Variants in FAM151B observed in about 807,000 individuals in gnomAD.
The protein encoded by FAM151B is protein FAM151B.
A neutral mutation model predicts 31.2 loss-of-function variants in FAM151B; 24 were observed. The observed-to-expected ratio is 0.77, with a 90% CI of 0.56 to 1.08. The LOEUF is 1.08. Ranked by LOEUF, FAM151B falls within the 50% of genes least tolerant of loss-of-function variation. The probability of loss-of-function intolerance (pLI) is 0.00; values close to 1 mark genes in which losing one functional copy is unlikely to be tolerated. For missense variants in FAM151B, 293 were observed against 328.6 expected (o/e 0.89, Z 0.84); for synonymous variants, 105 against 111.4 (o/e 0.94, Z 0.36).
intron 5 of FAM151B, among the ~76,000 whole-genome samples, chr5:80,533,221 C>CA (rs1270441545): frequency 1.3e-5 from 2 of 151,386 alleles, no homozygotes; most frequent in East Asian, 1.9e-4. Flanking sequence ...ACTAAAAATA[C>CA]AAAAAAATAG....
intron 1 of FAM151B, 133 bp from the exon 2 acceptor site, chr5:80,501,659 T>C: frequency 1.8e-6 from 1 of 569,412 alleles, no homozygotes; most frequent in Non-Finnish European, 3.0e-6. Flanking sequence ...CTTTTTACTA[T>C]CTATCTATCT....
chr5:80,522,266 A>G, intron 5 of FAM151B, 128 bp downstream of exon 5: 1 of 977,644 alleles, frequency 1.0e-6, no homozygotes, highest in Non-Finnish European at 1.5e-6. Context: ...ATGAAAACTG[A>G]TGATATAAGC....
At chr5:80,489,313 G>T (rs1743227857) in intron 1 of FAM151B, among the ~76,000 whole-genome samples, 1 of 152,088 alleles carries the variant, frequency 6.6e-6, no homozygotes, top group Non-Finnish European at 1.5e-5. Context: ...GAAATTACTG[G>T]ATCAAAGGAT....
chr5:80,488,659 AAGGTTAC>A (rs1743204432), intron 1 of FAM151B, among the ~76,000 whole-genome samples: 1 of 152,196 alleles, frequency 6.6e-6, no homozygotes, highest in African/African-American at 2.4e-5. Context: ...TCCGCTCTTG[AAGGTTAC>A]AGTATCTTTT....
At chr5:80,524,996 T>TA (rs1411296114) in intron 5 of FAM151B, among the ~76,000 whole-genome samples, 5 of 152,184 alleles carry the variant, frequency 3.3e-5, no homozygotes, top group Admixed American at 2.6e-4. Flanking sequence ...TGTTTCATCA[T>TA]AGAGAGCATT....
At chr5:80,488,587 CAG>C (rs1257160520) in intron 1 of FAM151B, among the ~76,000 whole-genome samples, 1 of 152,238 alleles carries the variant, frequency 6.6e-6, no homozygotes, top group African/African-American at 2.4e-5. Flanking sequence ...GGAAAGCTGG[CAG>C]AGTGTGCGGC....
chr5:80,501,420 T>G, intron 1 of FAM151B: 1 of 600,958 alleles, frequency 1.7e-6, no homozygotes, highest in Non-Finnish European at 2.8e-6. Context: ...ACCATGATTA[T>G]TTTTCTAAGC....
rs1264759430 is a variant in FAM151B at position 80,493,202 on chromosome 5, C to A, written c.25+5054C>A. Among the ~76,000 whole-genome samples the A allele has an allele frequency of 3.9e-5, 6 of 152,260 alleles. No homozygotes were observed. In the East Asian group the frequency reaches 1.2e-3, roughly 29 times the overall value. ...ATGAAGGGACCAGCTGGAGCCGAGG[C>A]AGAAGAACATAAATTGTGAAGATTT... is the stretch of plus-strand genomic sequence containing the variant. On this transcript the variant is annotated intron_variant, in intron 1 of 5. Coordinates refer to ENST00000282226, the MANE Select transcript of FAM151B (RefSeq NM_205548.3).
intron 5 of FAM151B, among the ~76,000 whole-genome samples, chr5:80,536,966 A>G (rs924145281): frequency 2.0e-5 from 3 of 152,178 alleles, no homozygotes; most frequent in Non-Finnish European, 4.4e-5. Flanking sequence ...AATAGTTTGA[A>G]TGAATAAGGC....
At chr5:80,513,892 A>C (rs1427832522) in intron 3 of FAM151B, 123 bp downstream of exon 3, 1 of 939,578 alleles carries the variant, frequency 1.1e-6, no homozygotes, top group Non-Finnish European at 1.5e-6. Flanking sequence ...TTCAGGACTG[A>C]ACCTAAATGA....
chr5:80,536,577 G>A (rs1368936922), intron 5 of FAM151B, among the ~76,000 whole-genome samples: 3 of 152,114 alleles, frequency 2.0e-5, no homozygotes, highest in African/African-American at 2.4e-5. Flanking sequence ...TCAGTGTATC[G>A]GAGAGATAGC....
intron 1 of FAM151B, among the ~76,000 whole-genome samples, chr5:80,498,286 G>T (rs775580946): frequency 1.1e-4 from 16 of 152,124 alleles, no homozygotes; most frequent in Non-Finnish European, 2.2e-4. Flanking sequence ...TTCAGTGAGA[G>T]ACTGCTTTGG....
intron 5 of FAM151B, among the ~76,000 whole-genome samples, chr5:80,536,160 AGTTTT>A (rs530043440): frequency 1.3e-3 from 184 of 141,976 alleles, no homozygotes; most frequent in Admixed American, 2.0e-3. Context: ...AGTTTAGTTT[AGTTTT>A]GTTTTGTTTT....
At chr5:80,539,871 C>T (rs924270322) in intron 5 of FAM151B, among the ~76,000 whole-genome samples, 1 of 151,776 alleles carries the variant, frequency 6.6e-6, no homozygotes, top group Non-Finnish European at 1.5e-5. Flanking sequence ...AGAAAAGTTG[C>T]AAAAACTACC....
intron 5 of FAM151B, among the ~76,000 whole-genome samples, chr5:80,528,783 T>C (rs1004183580): frequency 6.7e-6 from 1 of 150,238 alleles, no homozygotes; most frequent in African/African-American, 2.5e-5. Context: ...CACACAATAA[T>C]AATGGGAGAC....
intron 5 of FAM151B, among the ~76,000 whole-genome samples, chr5:80,523,203 C>A (rs965511984): frequency 1.3e-5 from 2 of 151,962 alleles, no homozygotes; most frequent in African/African-American, 4.8e-5. Flanking sequence ...AACCCAGAAG[C>A]CTGTAAAAGG....
intron 5 of FAM151B, among the ~76,000 whole-genome samples, chr5:80,539,811 G>A (rs867581464): frequency 6.7e-6 from 1 of 149,598 alleles, no homozygotes; most frequent in Admixed American, 6.7e-5. Context: ...TTTTTAAACT[G>A]TCTTTTATAG....
chr5:80,528,545 CAA>C (rs1219770153), intron 5 of FAM151B, among the ~76,000 whole-genome samples: 1 of 151,082 alleles, frequency 6.6e-6, no homozygotes, highest in Non-Finnish European at 1.5e-5. Context: ...CAATGGAAAC[CAA>C]AAAAGAGCAG....
At chr5:80,503,027 A>G (rs539126437) in intron 2 of FAM151B, among the ~76,000 whole-genome samples, 1 of 152,214 alleles carries the variant, frequency 6.6e-6, no homozygotes, top group African/African-American at 2.4e-5. Context: ...GGATGATGAA[A>G]TTTTTCTAGA....
Sources: gnomAD v4.1 joint callset for allele counts (sites outside exome capture counted in the v4.1 genomes callset) on GRCh38, gnomAD v4.1.1 for gene constraint, MANE v1.5 for transcripts, NCBI Gene and HGNC (gene_info 2026-07-23, HGNC 2026-07-21) for gene names.